Variants in KCTD8 observed in about 807,000 individuals in gnomAD.
KCTD8 encodes potassium channel tetramerization domain containing 8, also known as BTB/POZ domain-containing protein KCTD8.
Under a neutral mutation model 31.5 loss-of-function variants are expected in KCTD8, and 27 were observed. That is an observed-to-expected ratio of 0.86 (90% CI 0.63 to 1.18). KCTD8 has a LOEUF of 1.18. Among genes scored for constraint, KCTD8 ranks in the 50% most tolerant of loss-of-function variants. The probability of loss-of-function intolerance (pLI) is 0.00; values close to 1 mark genes in which losing one functional copy is unlikely to be tolerated. For synonymous variants in KCTD8, 290 were observed against 280.0 expected (o/e 1.04, Z -0.36); for missense variants, 658 against 647.7 (o/e 1.02, Z -0.17).
intron 1 of KCTD8, among the ~76,000 whole-genome samples, chr4:44,399,757 G>C (rs1720598535): frequency 6.6e-6 from 1 of 152,152 alleles, no homozygotes; most frequent in Non-Finnish European, 1.5e-5. Flanking sequence ...GTACAACTAA[G>C]GTTAAAGAGC....
intron 1 of KCTD8, among the ~76,000 whole-genome samples, chr4:44,399,000 A>G (rs1720579640): frequency 6.6e-6 from 1 of 152,186 alleles, no homozygotes; most frequent in Non-Finnish European, 1.5e-5. Context: ...AGGAGATTTG[A>G]TGATAAAACC....
At chr4:44,244,854 G>T (rs1386478361) in intron 1 of KCTD8, among the ~76,000 whole-genome samples, 1 of 151,170 alleles carries the variant, frequency 6.6e-6, no homozygotes, top group African/African-American at 2.4e-5. Flanking sequence ...TTGTGGGGGG[G>T]GGGGGGTCTT....
chr4:44,347,717 T>G (rs1384995981), intron 1 of KCTD8, among the ~76,000 whole-genome samples: 1 of 152,200 alleles, frequency 6.6e-6, no homozygotes, highest in African/African-American at 2.4e-5. Context: ...AACACTGATA[T>G]TTACAATTAA....
At chr4:44,442,734 T>C (rs994371144) in intron 1 of KCTD8, among the ~76,000 whole-genome samples, 1 of 151,108 alleles carries the variant, frequency 6.6e-6, no homozygotes, top group Non-Finnish European at 1.5e-5. Flanking sequence ...GTTTTATACA[T>C]ATTTCTTTTT....
chr4:44,404,195 A>G (rs1425284278), intron 1 of KCTD8, among the ~76,000 whole-genome samples: 2 of 152,244 alleles, frequency 1.3e-5, no homozygotes, highest in Admixed American at 6.5e-5. Flanking sequence ...TATTTTGAAA[A>G]GAAATAGTCA....
chr4:44,295,868 G>T (rs1439673280), intron 1 of KCTD8, among the ~76,000 whole-genome samples: 1 of 152,010 alleles, frequency 6.6e-6, no homozygotes, highest in Non-Finnish European at 1.5e-5. Flanking sequence ...TATTAATATT[G>T]GTAATTTATT....
Position 44,174,796 on chromosome 4 carries a change from C to A in KCTD8, c.1416G>T (p.Gly472=). 1.3e-6 allele frequency: 2 copies of A among 1,599,734 alleles called. No homozygotes were observed. The highest frequency in any genetic ancestry group is 1.1e-5 in the South Asian group (1 of 88,488). The change falls in exon 2 of 2, where the codon GGG becomes GGT. Residue 472 remains glycine (G), a synonymous_variant. Transcript: ENST00000360029. ...TGCAGGAATGTGACAATTACTATAA[C>A]CCATACTTCTGCAACAGTTCAGATT... is the stretch of plus-strand genomic sequence containing the variant. ...QWQSELLQKY[G]L is the part of the protein sequence containing the mutation.
chr4:44,402,982 C>G (rs1236475507), intron 1 of KCTD8, among the ~76,000 whole-genome samples: 1 of 152,162 alleles, frequency 6.6e-6, no homozygotes, highest in Non-Finnish European at 1.5e-5. Context: ...GAACTAGGAG[C>G]ATGTGATCAG....
At chr4:44,443,019 G>T (rs187536484) in intron 1 of KCTD8, among the ~76,000 whole-genome samples, 1 of 152,062 alleles carries the variant, frequency 6.6e-6, no homozygotes, top group African/African-American at 2.4e-5. Flanking sequence ...AACAACAATC[G>T]GTGTCATAGC....
chr4:44,283,858 G>C (rs2109380596), intron 1 of KCTD8, among the ~76,000 whole-genome samples: 1 of 152,230 alleles, frequency 6.6e-6, no homozygotes, highest in South Asian at 2.1e-4. Context: ...GCCAAATCAT[G>C]AGTGAACTCC....
intron 1 of KCTD8, among the ~76,000 whole-genome samples, chr4:44,262,534 A>G (rs1200913995): frequency 6.7e-6 from 1 of 150,228 alleles, no homozygotes; most frequent in East Asian, 1.9e-4. Context: ...GGAGTGAGGG[A>G]AAAAAAGCAT....
At chr4:44,409,711 A>G (rs1720904376) in intron 1 of KCTD8, among the ~76,000 whole-genome samples, 1 of 152,122 alleles carries the variant, frequency 6.6e-6, no homozygotes, top group Non-Finnish European at 1.5e-5. Context: ...AAAAAAAAGC[A>G]TTAAAAAAAA....
chr4:44,298,261 A>G (rs1401850392), intron 1 of KCTD8, among the ~76,000 whole-genome samples: 1 of 152,080 alleles, frequency 6.6e-6, no homozygotes, highest in Non-Finnish European at 1.5e-5. Context: ...TTCCTTTCCC[A>G]TAAATAGTCT....
intron 1 of KCTD8, among the ~76,000 whole-genome samples, chr4:44,308,446 T>C (rs1717865589): frequency 6.6e-6 from 1 of 151,988 alleles, no homozygotes; most frequent in African/African-American, 2.4e-5. Flanking sequence ...TAATAAACTA[T>C]CAGAAACAGT....
chr4:44,356,534 C>T (rs1719347106), intron 1 of KCTD8, among the ~76,000 whole-genome samples: 1 of 152,118 alleles, frequency 6.6e-6, no homozygotes, highest in Non-Finnish European at 1.5e-5. Flanking sequence ...AGTGCAGTGG[C>T]ACGATCTCAA....
At chr4:44,235,576 T>TATATATATATATATATA (rs1560402134) in intron 1 of KCTD8, among the ~76,000 whole-genome samples, 2 of 56,888 alleles carry the variant, frequency 3.5e-5, no homozygotes, top group Non-Finnish European at 6.4e-5. Context: ...TATATATATA[T>TATATATATATATATATA]TTAGAGAGAG....
At chr4:44,179,387 GA>G (rs1006936846) in intron 1 of KCTD8, among the ~76,000 whole-genome samples, 185 of 151,010 alleles carry the variant, frequency 1.2e-3, no homozygotes, top group African/African-American at 4.2e-3. Context: ...AAGAAAAGGG[GA>G]ACCTGAATTT....
chr4:44,201,649 T>C (rs1714152898), intron 1 of KCTD8, among the ~76,000 whole-genome samples: 2 of 152,042 alleles, frequency 1.3e-5, no homozygotes, highest in Non-Finnish European at 1.5e-5. Context: ...GAAAATTAAC[T>C]CAAGATGGAT....
chr4:44,404,854 T>C (rs1720746677), intron 1 of KCTD8, among the ~76,000 whole-genome samples: 1 of 152,182 alleles, frequency 6.6e-6, no homozygotes, highest in Admixed American at 6.5e-5. Flanking sequence ...TTCCTTGAAA[T>C]ACTGACAAGA....
Sources: allele counts gnomAD v4.1 joint callset (sites outside exome capture counted in the v4.1 genomes callset), GRCh38; gene constraint gnomAD v4.1.1; transcripts MANE v1.5; gene names NCBI Gene and HGNC (gene_info 2026-07-23, HGNC 2026-07-21).